The following EPAS1 variants were observed in gnomAD, a reference collection of about 807,000 sequenced individuals.
EPAS1 encodes the protein endothelial PAS domain protein 1.
In EPAS1, 23 loss-of-function variants were observed where a neutral mutation model predicts 87.9. The ratio of observed to expected loss-of-function variants is 0.26; its 90% CI spans 0.19 to 0.37. The LOEUF is 0.37. EPAS1 is among the 10% of genes least tolerant of loss of function. The pLI, the probability that EPAS1 is intolerant of heterozygous loss-of-function variation, is 1.00. For synonymous variants in EPAS1, 508 were observed against 444.3 expected, an observed-to-expected ratio of 1.14 and a Z score of -1.80; for missense variants, 1,138 against 1,120.7, an observed-to-expected ratio of 1.02 and a Z score of -0.22.
intron 1 of EPAS1, among the ~76,000 whole-genome samples, chr2:46,341,695 C>A (rs950678379): frequency 2.0e-5 from 3 of 150,896 alleles, no homozygotes; most frequent in Non-Finnish European, 3.0e-5. Flanking sequence ...GGAAGTGGAC[C>A]TGGGCGTCAG....
intron 2 of EPAS1, among the ~76,000 whole-genome samples, chr2:46,352,659 G>A (rs1053147478): frequency 1.3e-5 from 2 of 152,172 alleles, no homozygotes; most frequent in East Asian, 3.9e-4. Context: ...ACCTGGCCAG[G>A]TTCCTTCAGA....
At chr2:46,354,889 A>AGCC (rs1398066212) in intron 2 of EPAS1, among the ~76,000 whole-genome samples, 3 of 152,086 alleles carry the variant, frequency 2.0e-5, no homozygotes, top group Non-Finnish European at 4.4e-5. Context: ...CCTAGGACTG[A>AGCC]AGCTTGCTCC....
intron 1 of EPAS1, among the ~76,000 whole-genome samples, chr2:46,334,670 C>A (rs1683753501): frequency 6.6e-6 from 1 of 152,178 alleles, no homozygotes; most frequent in African/African-American, 2.4e-5. Context: ...CTGCTCACAG[C>A]CCCATCGTAG....
At chr2:46,349,966 CA>C (rs1210558171) in intron 2 of EPAS1, among the ~76,000 whole-genome samples, 1 of 152,086 alleles carries the variant, frequency 6.6e-6, no homozygotes, top group Non-Finnish European at 1.5e-5. Context: ...CTCATCTGCA[CA>C]AAGGGAATAA....
intron 1 of EPAS1, among the ~76,000 whole-genome samples, chr2:46,308,469 G>GGGC (rs1017203451): frequency 1.5e-5 from 2 of 136,274 alleles, no homozygotes; most frequent in Non-Finnish European, 3.2e-5. Flanking sequence ...TTGGGGGGGG[G>GGGC]GGCTCTGAAA....
intron 1 of EPAS1, among the ~76,000 whole-genome samples, chr2:46,304,720 C>G (rs1179878155): frequency 6.6e-6 from 1 of 152,174 alleles, no homozygotes. Context: ...TCAATAATTA[C>G]TTCAGCCTTC....
chr2:46,351,967 C>T (rs939552521), intron 2 of EPAS1, among the ~76,000 whole-genome samples: 1 of 152,030 alleles, frequency 6.6e-6, no homozygotes, highest in Admixed American at 6.5e-5. Context: ...AAAAAGTGCT[C>T]CAAAACCTCA....
In EPAS1 at chr2:46,380,543, C is replaced by A. The variant is rs768469246; in HGVS notation, c.1871C>A (p.Ala624Asp). ...TCCCTGCCACCGTGCTGTGGCCAGG[C>A]CAGCACCCCTCTCTCTTCCATGGGG... ...KASLPPCCGQ[A>D]STPLSSMGGR... The change falls in exon 12 of 16, where the codon GCC (alanine) becomes GAC (aspartate). Residue 624 changes from alanine (A) to aspartate (D), a missense_variant. Physicochemically the swap from Ala to Asp is moderately radical, Grantham distance 126 (BLOSUM62 -2). This residue lies in a region of EPAS1 where 502 missense variants were observed against 427.1 expected (regional missense o/e 1.18). Transcript: ENST00000263734. This position sits in a 1 kb window ranked among gnomAD's most constrained non-coding sequence, Gnocchi z 4.4. 9 of 1,614,064 alleles carry A rather than the reference C, an allele frequency of 5.6e-6. No individual in the cohort carries two copies. In the East Asian group the frequency reaches 2.0e-4, roughly 36 times the overall value.
At chr2:46,362,075 A>G (rs1254879669) in intron 6 of EPAS1, among the ~76,000 whole-genome samples, 4 of 152,168 alleles carry the variant, frequency 2.6e-5, no homozygotes, top group African/African-American at 9.7e-5. Flanking sequence ...CACCCCCCGC[A>G]TGCGCCCTTC....
chr2:46,353,330 C>T (rs1684208120), intron 2 of EPAS1, among the ~76,000 whole-genome samples: 1 of 152,208 alleles, frequency 6.6e-6, no homozygotes, highest in Non-Finnish European at 1.5e-5. Flanking sequence ...TTTAGAAAAA[C>T]AGATTCTCAG....
intron 1 of EPAS1, among the ~76,000 whole-genome samples, chr2:46,303,277 C>T (rs903204368): frequency 2.6e-5 from 4 of 152,064 alleles, no homozygotes; most frequent in South Asian, 2.1e-4. Context: ...CTAGTGTCCC[C>T]GGAACCACAC....
At chr2:46,383,915 C>T (rs538373985) in intron 15 of EPAS1, among the ~76,000 whole-genome samples, 1 of 152,278 alleles carries the variant, frequency 6.6e-6, no homozygotes, top group South Asian at 2.1e-4. Context: ...CATCTCCCAT[C>T]GGAGGGGCAG....
rs573414314 is a variant in EPAS1 at position 46,347,346 on chromosome 2, C to T, written c.217+283C>T. 9.8e-5 allele frequency: 50 copies of T among 508,256 alleles called. No individual in the cohort carries two copies. Among genetic ancestry groups the T allele is most frequent in the Non-Finnish European group, 1.5e-4 (43 of 278,974 alleles). The allele number at this position is 508,256 out of a possible 1,614,324, so 31.5% of individuals were successfully genotyped here. A position where few individuals can be genotyped will look rare whatever the true frequency, so the allele number is the denominator to read the frequency against. On this transcript the variant is annotated intron_variant, in intron 2 of 15. Coordinates refer to ENST00000263734, the MANE Select transcript of EPAS1 (RefSeq NM_001430.5). This position sits in a 1 kb window ranked among gnomAD's most constrained non-coding sequence, Gnocchi z 4.2. ...GAACACGGGCTGGGAGAACCAAGGA[C>T]GGCTTTTGCTGACTTCTCAATTTGT...
At chr2:46,309,334 G>C (rs1177157590) in intron 1 of EPAS1, among the ~76,000 whole-genome samples, 1 of 152,192 alleles carries the variant, frequency 6.6e-6, no homozygotes, top group African/African-American at 2.4e-5. Flanking sequence ...CCTGCACTCA[G>C]GATGTCCTAA....
At chr2:46,322,731 C>G (rs528377104) in intron 1 of EPAS1, among the ~76,000 whole-genome samples, 1 of 152,356 alleles carries the variant, frequency 6.6e-6, no homozygotes, top group South Asian at 2.1e-4. Flanking sequence ...AGATTTGAAG[C>G]TGAGAGGCCT....
chr2:46,381,443 C>A, intron 12 of EPAS1, 153 bp from the exon 13 acceptor site: 2 of 1,216,184 alleles, frequency 1.6e-6, no homozygotes, highest in Non-Finnish European at 2.4e-6. Flanking sequence ...GCTCGGCCTG[C>A]AGGTGCACAG....
At chr2:46,381,172 A>G (rs976125267) in intron 12 of EPAS1, 16 of 356,350 alleles carry the variant, frequency 4.5e-5, no homozygotes, top group African/African-American at 2.9e-4. Context: ...CCATCTCCCC[A>G]GCATGCTCAT....
At chr2:46,362,630 C>T (rs1684416533) in intron 6 of EPAS1, among the ~76,000 whole-genome samples, 1 of 152,214 alleles carries the variant, frequency 6.6e-6, no homozygotes, top group South Asian at 2.1e-4. Context: ...ATCCCAAGGG[C>T]ATCTGGTTTC....
chr2:46,311,097 C>G (rs112192974), intron 1 of EPAS1, among the ~76,000 whole-genome samples: 5 of 152,306 alleles, frequency 3.3e-5, no homozygotes, highest in African/African-American at 1.2e-4. Flanking sequence ...CCAGGATGGT[C>G]TCGATCTCCT....
Sources: allele counts gnomAD v4.1 joint callset (sites outside exome capture counted in the v4.1 genomes callset), GRCh38; gene constraint gnomAD v4.1.1; regional missense constraint gnomAD v4.1.1; non-coding constraint Gnocchi (gnomAD v3.1); transcripts MANE v1.5; gene names NCBI Gene and HGNC (gene_info 2026-07-23, HGNC 2026-07-21).